CCNH: variants seen among roughly 807,000 people sequenced by gnomAD.
CCNH encodes cyclin H.
CCNH carries 31 observed loss-of-function variants against 41.9 expected under a neutral mutation model. The ratio of observed to expected loss-of-function variants is 0.74; its 90% CI spans 0.56 to 1.00. CCNH has a LOEUF of 1.00. CCNH is among the 50% of genes least tolerant of loss of function. CCNH has a pLI of 0.00. For synonymous variants in CCNH, 138 were observed against 136.1 expected, an observed-to-expected ratio of 1.01 and a Z score of -0.10; for missense variants, 362 against 388.4, an observed-to-expected ratio of 0.93 and a Z score of 0.57.
chr5:87,412,352 G>A (rs764112935), intron 1 of CCNH: 14 of 1,017,850 alleles, frequency 1.4e-5, no homozygotes, highest in South Asian at 3.0e-5. Flanking sequence ...TCTCCGCATT[G>A]GCTACTGGGA....
At position 87,412,869 on chromosome 5, in the gene CCNH, C is replaced by T. The variant is rs1206969531; in HGVS notation, c.-75G>A. The T allele has an allele frequency of 1.2e-5, 19 of 1,566,244 alleles. No homozygotes were observed. In the Admixed American group the frequency reaches 2.8e-4, roughly 23 times the overall value. Reference sequence around the variant, plus strand: ...CATCAGCGTCCTGGCGTAAAACACCCGTACCCCCACCGAAGATCTCGCGGA... The same window carrying T: ...CATCAGCGTCCTGGCGTAAAACACCTGTACCCCCACCGAAGATCTCGCGGA... On this transcript the variant is annotated 5_prime_UTR_variant, in exon 1 of 9. Transcript: ENST00000256897.
chr5:87,316,373 G>A (rs549146929), downstream of CCNH, among the ~76,000 whole-genome samples: 1 of 152,306 alleles, frequency 6.6e-6, no homozygotes, highest in Non-Finnish European at 1.5e-5. Context: ...CTTTTCAAAA[G>A]ACAGTAATGG....
chr5:87,329,117 C>T (rs1757433497), intron 9 of CCNH, among the ~76,000 whole-genome samples: 1 of 152,002 alleles, frequency 6.6e-6, no homozygotes, highest in Non-Finnish European at 1.5e-5. Flanking sequence ...ACTGACTTAT[C>T]CATTTTAATG....
chr5:87,374,222 T>G, downstream of CCNH: 2 of 1,592,290 alleles, frequency 1.3e-6, no homozygotes, highest in Non-Finnish European at 1.7e-6. Context: ...AACATTTTAC[T>G]AATCCATATT....
Position 87,398,031 on chromosome 5 carries a change from A to G in CCNH, c.872+1363T>C, listed in dbSNP as rs73159594. Reference sequence around the variant, plus strand: ...CTGGTCTAATCCCATTTCAAAATCAATGCAAAAAGGACATAATCAGTGCTG... The same window carrying G: ...CTGGTCTAATCCCATTTCAAAATCAGTGCAAAAAGGACATAATCAGTGCTG... On this transcript the variant is annotated intron_variant, in intron 7 of 8. Transcript: ENST00000256897. Among the ~76,000 whole-genome samples, 260 of 152,354 alleles carry G rather than the reference A, an allele frequency of 1.7e-3. 1 individual carries two copies. Among genetic ancestry groups the G allele is most frequent in the Middle Eastern group, 0.017 (5 of 294 alleles).
chr5:87,358,110 ATC>A (rs1759792006), intron 9 of CCNH, among the ~76,000 whole-genome samples: 1 of 152,158 alleles, frequency 6.6e-6, no homozygotes, highest in African/African-American at 2.4e-5. Flanking sequence ...AAATCACCTC[ATC>A]TTCCAATGAG....
chr5:87,390,088 T>C (rs1762387075), downstream of CCNH, among the ~76,000 whole-genome samples: 1 of 152,212 alleles, frequency 6.6e-6, no homozygotes. Flanking sequence ...TAGACTTCTA[T>C]CTGCCATCTG....
intron 5 of CCNH, among the ~76,000 whole-genome samples, chr5:87,404,342 G>A (rs1346902086): frequency 6.6e-6 from 1 of 152,124 alleles, no homozygotes; most frequent in Non-Finnish European, 1.5e-5. Context: ...ATTAACTTTA[G>A]GAAGTTTTAT....
At chr5:87,399,654 T>C in intron 6 of CCNH, 149 bp from the exon 7 acceptor site, 1 of 635,840 alleles carries the variant, frequency 1.6e-6, no homozygotes, top group Non-Finnish European at 2.8e-6. Flanking sequence ...CTGCATTTCA[T>C]TCTACATTAA....
downstream of CCNH, chr5:87,386,801 A>T (rs766240127): frequency 1.4e-5 from 23 of 1,599,204 alleles, no homozygotes; most frequent in Non-Finnish European, 2.0e-5. Flanking sequence ...TCTGGTGCAT[A>T]TAACAGAAGC....
intron 9 of CCNH, among the ~76,000 whole-genome samples, chr5:87,319,140 C>A (rs1440879432): frequency 6.6e-6 from 1 of 152,226 alleles, no homozygotes; most frequent in East Asian, 1.9e-4. Context: ...CAGCTCTGCC[C>A]CATGGCTCTG....
intron 9 of CCNH, among the ~76,000 whole-genome samples, chr5:87,361,783 G>C (rs1441974722): frequency 6.6e-6 from 1 of 152,112 alleles, no homozygotes; most frequent in East Asian, 1.9e-4. Context: ...TTAACACTTA[G>C]AAATTTCATC....
chr5:87,324,270 A>G (rs914495075), intron 9 of CCNH, among the ~76,000 whole-genome samples: 1 of 152,182 alleles, frequency 6.6e-6, no homozygotes, highest in African/African-American at 2.4e-5. Context: ...GCTAGTAGGT[A>G]TTGTGCTAGC....
At chr5:87,385,874 A>G (rs1762029119) in intron 9 of CCNH, among the ~76,000 whole-genome samples, 1 of 152,008 alleles carries the variant, frequency 6.6e-6, no homozygotes, top group African/African-American at 2.4e-5. Flanking sequence ...TAACTCTTTC[A>G]CTATTCTTAA....
At chr5:87,410,942 G>A (rs186951534) in intron 2 of CCNH, among the ~76,000 whole-genome samples, 2 of 152,304 alleles carry the variant, frequency 1.3e-5, no homozygotes, top group Admixed American at 1.3e-4. Flanking sequence ...TGGCTCATTA[G>A]TTGAGAACTT....
upstream of CCNH, among the ~76,000 whole-genome samples, chr5:87,380,010 C>A (rs1761598062): frequency 6.6e-6 from 1 of 152,050 alleles, no homozygotes; most frequent in South Asian, 2.1e-4. Context: ...AAGAAAATAG[C>A]TGTCTTAATA....
downstream of CCNH, among the ~76,000 whole-genome samples, chr5:87,372,860 C>T (rs1247787951): frequency 5.9e-5 from 9 of 152,024 alleles, no homozygotes; most frequent in Non-Finnish European, 8.8e-5. Context: ...TCTCTTTGTG[C>T]GAATATCTGA....
At chr5:87,391,212 C>A (rs1005288857), downstream of CCNH, 5 of 443,416 alleles carry the variant, frequency 1.1e-5, no homozygotes, top group African/African-American at 9.7e-5. Context: ...TTTCAGTACA[C>A]CCAGTTGCCA....
downstream of CCNH, chr5:87,392,352 C>T (rs975041416): frequency 2.2e-6 from 1 of 455,942 alleles, no homozygotes; most frequent in South Asian, 1.5e-5. Flanking sequence ...GGGCTGCTAA[C>T]CTATGTGGCT....
Sources: gnomAD v4.1 joint callset for allele counts (sites outside exome capture counted in the v4.1 genomes callset) on GRCh38, gnomAD v4.1.1 for gene constraint, MANE v1.5 for transcripts, NCBI Gene and HGNC (gene_info 2026-07-23, HGNC 2026-07-21) for gene names.